The following GBE1 variants were observed in gnomAD, a reference collection of about 807,000 sequenced individuals.
The protein encoded by GBE1 is 1,4-alpha-glucan branching enzyme 1.
In GBE1, 70 loss-of-function variants were observed where a neutral mutation model predicts 88.8. The observed-to-expected ratio is 0.79, with a 90% CI of 0.65 to 0.96. The LOEUF (loss-of-function observed/expected upper bound fraction) is 0.96. Among genes scored for constraint, GBE1 ranks in the 40% least tolerant of loss-of-function variants. The pLI is 0.00. For synonymous variants in GBE1, 284 were observed against 300.1 expected, an observed-to-expected ratio of 0.95 and a Z score of 0.56; for missense variants, 872 against 871.0, an observed-to-expected ratio of 1.00 and a Z score of -0.01.
At chr3:81,677,613 G>A (rs936407744) in intron 2 of GBE1, among the ~76,000 whole-genome samples, 10 of 152,138 alleles carry the variant, frequency 6.6e-5, no homozygotes, top group Admixed American at 5.9e-4. Flanking sequence ...TTCTTACCCA[G>A]GATTATGAGA....
At chr3:81,632,292 T>C (rs1011394912) in intron 7 of GBE1, among the ~76,000 whole-genome samples, 1 of 152,160 alleles carries the variant, frequency 6.6e-6, no homozygotes, top group East Asian at 1.9e-4. Context: ...GTCTTTATAG[T>C]AGAATGATCT....
intron 12 of GBE1, among the ~76,000 whole-genome samples, chr3:81,549,157 G>A (rs1576144277): frequency 1.3e-5 from 2 of 149,900 alleles, no homozygotes; most frequent in Non-Finnish European, 3.0e-5. Context: ...AGCCTCCTGA[G>A]TAGCTGGGAT....
chr3:81,616,584 T>C (rs567866481), intron 7 of GBE1, among the ~76,000 whole-genome samples: 1 of 152,230 alleles, frequency 6.6e-6, no homozygotes, highest in East Asian at 1.9e-4. Flanking sequence ...TACCACACAG[T>C]CTTGATTACT....
chr3:81,608,864 T>C (rs1012677326), intron 7 of GBE1, among the ~76,000 whole-genome samples: 1 of 152,154 alleles, frequency 6.6e-6, no homozygotes, highest in African/African-American at 2.4e-5. Context: ...GTCTGAGAGT[T>C]AGATTGACAT....
intron 7 of GBE1, among the ~76,000 whole-genome samples, chr3:81,641,629 G>A (rs1381853649): frequency 2.6e-5 from 4 of 151,952 alleles, no homozygotes; most frequent in Non-Finnish European, 5.9e-5. Context: ...CTACCATCTT[G>A]TTTCTTTTCT....
At chr3:81,759,847 A>T (rs546328551) in intron 1 of GBE1, among the ~76,000 whole-genome samples, 1 of 148,746 alleles carries the variant, frequency 6.7e-6, no homozygotes, top group African/African-American at 2.5e-5. Context: ...TGTGTCATTT[A>T]AAAAAAAAAG....
intron 3 of GBE1, among the ~76,000 whole-genome samples, chr3:81,662,119 G>A (rs917109041): frequency 3.9e-5 from 6 of 151,972 alleles, no homozygotes; most frequent in Non-Finnish European, 8.8e-5. Context: ...CGCAACCTCC[G>A]CCTCCCGGGT....
intron 1 of GBE1, among the ~76,000 whole-genome samples, chr3:81,714,560 T>C (rs1407018911): frequency 1.3e-5 from 2 of 152,168 alleles, no homozygotes; most frequent in African/African-American, 4.8e-5. Context: ...TTCCTGTAAC[T>C]ATATTAGATA....
At chr3:81,692,912 CT>C (rs1316887752) in intron 2 of GBE1, among the ~76,000 whole-genome samples, 1 of 152,198 alleles carries the variant, frequency 6.6e-6, no homozygotes, top group Non-Finnish European at 1.5e-5. Context: ...GAATGACAAT[CT>C]TCCATTCCTC....
intron 7 of GBE1, among the ~76,000 whole-genome samples, chr3:81,622,687 TCTC>T (rs1488884142): frequency 2.0e-5 from 3 of 152,186 alleles, no homozygotes; most frequent in Non-Finnish European, 4.4e-5. Context: ...CCCAAGTCCT[TCTC>T]CTCCCAGTTC....
At chr3:81,564,140 A>C (rs1293524413) in intron 12 of GBE1, among the ~76,000 whole-genome samples, 1 of 152,088 alleles carries the variant, frequency 6.6e-6, no homozygotes, top group African/African-American at 2.4e-5. Context: ...AGGGCTCAAC[A>C]TTTAAAGGAA....
intron 3 of GBE1, among the ~76,000 whole-genome samples, chr3:81,652,998 C>A (rs550887254): frequency 6.6e-6 from 1 of 152,098 alleles, no homozygotes; most frequent in Non-Finnish European, 1.5e-5. Flanking sequence ...ATGGAGCAAA[C>A]TGAAAGAAAG....
At chr3:81,730,857 G>A (rs1006789795) in intron 1 of GBE1, among the ~76,000 whole-genome samples, 8 of 152,094 alleles carry the variant, frequency 5.3e-5, no homozygotes, top group African/African-American at 9.7e-5. Context: ...TAGCAAATAT[G>A]TTTATATGAC....
chr3:81,663,959 T>C (rs1303999467), intron 3 of GBE1, among the ~76,000 whole-genome samples: 2 of 152,152 alleles, frequency 1.3e-5, no homozygotes, highest in Non-Finnish European at 2.9e-5. Context: ...CATAATTATG[T>C]GCACATTCGG....
chr3:81,669,252 A>C (rs868620847), intron 3 of GBE1, among the ~76,000 whole-genome samples: 2 of 152,214 alleles, frequency 1.3e-5, no homozygotes, highest in Non-Finnish European at 2.9e-5. Context: ...TCTCTTAGTT[A>C]ATTGATTGTA....
intron 14 of GBE1, among the ~76,000 whole-genome samples, chr3:81,519,778 G>C (rs1702848308): frequency 6.6e-6 from 1 of 151,276 alleles, no homozygotes; most frequent in Non-Finnish European, 1.5e-5. Flanking sequence ...TGGCAAACAA[G>C]ATCACCAAGA....
At chr3:81,634,614 G>A (rs1704566446) in intron 7 of GBE1, among the ~76,000 whole-genome samples, 1 of 151,982 alleles carries the variant, frequency 6.6e-6, no homozygotes, top group Admixed American at 6.6e-5. Flanking sequence ...GAGAGAGAGA[G>A]AAAAAGAGAG....
At position 81,638,382 on chromosome 3, in the gene GBE1, G is replaced by A. The variant is rs1021103249; in HGVS notation, c.992+4399C>T. On this transcript the variant is annotated intron_variant, in intron 7 of 15. Coordinates refer to ENST00000429644, the MANE Select transcript of GBE1 (RefSeq NM_000158.4). ...TTTATCTTTGAAAGAAATATTTAAC[G>A]AACAAAAGATATTCATTTGAAGATT... Among the ~76,000 whole-genome samples the A allele has an allele frequency of 4.6e-5, 7 of 151,990 alleles. No homozygotes were observed. The South Asian group carries it at 8.3e-4, about 18-fold the overall frequency.
chr3:81,563,945 C>CGGAG (rs1703455997), intron 12 of GBE1, among the ~76,000 whole-genome samples: 1 of 148,188 alleles, frequency 6.7e-6, no homozygotes, highest in Admixed American at 6.7e-5. Flanking sequence ...AAGGAAGGGA[C>CGGAG]GAAGGAAGGA....
Sources: allele counts gnomAD v4.1 joint callset (sites outside exome capture counted in the v4.1 genomes callset), GRCh38; gene constraint gnomAD v4.1.1; transcripts MANE v1.5; gene names NCBI Gene and HGNC (gene_info 2026-07-23, HGNC 2026-07-21).